Variants in CDH23 observed in about 807,000 individuals in gnomAD.
CDH23 encodes the protein cadherin-23.
CDH23 carries 189 observed loss-of-function variants against 317.1 expected under a neutral mutation model. The observed-to-expected ratio is 0.60, with a 90% CI of 0.53 to 0.67. The LOEUF (loss-of-function observed/expected upper bound fraction) is 0.67. Ranked by LOEUF, CDH23 falls within the 30% of genes least tolerant of loss-of-function variation. The pLI, the probability that CDH23 is intolerant of heterozygous loss-of-function variation, is 0.00. For missense variants in CDH23, 4,401 were observed against 4,592.4 expected (o/e 0.96, Z 1.20); for synonymous variants, 1,839 against 1,876.8 (o/e 0.98, Z 0.52).
At chr10:71,411,631 C>G (rs72642219) in intron 1 of CDH23, among the ~76,000 whole-genome samples, 4,070 of 152,150 alleles carry the variant, frequency 0.027, 126 homozygotes, top group East Asian at 0.078. Context: ...GGAGTTCTAG[C>G]ATAATATTGA....
chr10:71,704,901 T>C lies in CDH23; in HGVS notation c.2734-10T>C. ...CTCCCCACCCTCATGCTGCCCCTCCTTGCCCTCAGGTGGTGGCCATCGACC... is the reference window on the plus strand; with the variant it reads ...CTCCCCACCCTCATGCTGCCCCTCCCTGCCCTCAGGTGGTGGCCATCGACC... On this transcript the variant is annotated splice_polypyrimidine_tract_variant and intron_variant, in intron 24 of 69. Transcript: ENST00000224721. 1 of 1,606,326 alleles carries C rather than the reference T, an allele frequency of 6.2e-7. No homozygotes were observed. The highest frequency in any genetic ancestry group is 8.5e-7 in the Non-Finnish European group (1 of 1,174,018).
At chr10:71,740,689 A>G (rs1258536945) in intron 36 of CDH23, 133 bp from the exon 37 acceptor site, 1 of 1,290,920 alleles carries the variant, frequency 7.7e-7, no homozygotes, top group African/African-American at 1.5e-5. Flanking sequence ...TGGCCAGGCC[A>G]CCCAGGGGTT....
At chr10:71,420,720 A>T (rs1322798246) in intron 1 of CDH23, among the ~76,000 whole-genome samples, 1 of 152,076 alleles carries the variant, frequency 6.6e-6, no homozygotes, top group Non-Finnish European at 1.5e-5. Context: ...AGTAGGTATG[A>T]CTATTATCTC....
chr10:71,702,670 C>T lies in CDH23; in HGVS notation c.2709C>T (p.Ile903=). The T allele has an allele frequency of 6.2e-7, 1 of 1,613,856 alleles. No homozygotes were observed. Among genetic ancestry groups the T allele is most frequent in the Non-Finnish European group, 8.5e-7 (1 of 1,179,890 alleles). ...LPFVAEVLEG[I]PAGVSIYQVV... is the part of the protein sequence containing the mutation. ...TTGTGGCCGAGGTGCTTGAAGGCATCCCGGCGGGGGTCTCCATCTACCAAG... is the reference window on the plus strand; with the variant it reads ...TTGTGGCCGAGGTGCTTGAAGGCATTCCGGCGGGGGTCTCCATCTACCAAG... The change falls in exon 24 of 70, where the codon ATC becomes ATT. Residue 903 remains isoleucine (I), a synonymous_variant. Transcript: ENST00000224721.
intron 3 of CDH23, among the ~76,000 whole-genome samples, chr10:71,465,532 G>A (rs1387512130): frequency 6.6e-6 from 1 of 152,252 alleles, no homozygotes; most frequent in Non-Finnish European, 1.5e-5. Context: ...GCCACCGAGT[G>A]GTCTGGATCT....
intron 38 of CDH23, among the ~76,000 whole-genome samples, chr10:71,776,835 C>T (rs771342153): frequency 2.0e-4 from 30 of 152,352 alleles, no homozygotes; most frequent in Admixed American, 5.2e-4. Flanking sequence ...CCAGGGCCTC[C>T]CATTGGCCAC....
intron 11 of CDH23, among the ~76,000 whole-genome samples, chr10:71,638,538 C>A (rs1862383136): frequency 6.6e-6 from 1 of 152,208 alleles, no homozygotes; most frequent in African/African-American, 2.4e-5. Flanking sequence ...AATGAATGAC[C>A]AAGGGAAGCC....
At chr10:71,741,620 G>T (rs758720455) in intron 37 of CDH23, 74 bp from the exon 38 acceptor site, 21 of 1,334,520 alleles carry the variant, frequency 1.6e-5, no homozygotes, top group Non-Finnish European at 2.2e-5. Flanking sequence ...GAGCCTTCGG[G>T]CTACAGGAGC....
intron 38 of CDH23, among the ~76,000 whole-genome samples, chr10:71,745,404 C>T (rs79657570): frequency 0.026 from 3,891 of 152,264 alleles, 91 homozygotes; most frequent in East Asian, 0.097. Context: ...GGTTTAGGCC[C>T]GGGGCTGCTT....
At chr10:71,423,386 C>T (rs901003413) in intron 1 of CDH23, among the ~76,000 whole-genome samples, 1 of 152,202 alleles carries the variant, frequency 6.6e-6, no homozygotes, top group Non-Finnish European at 1.5e-5. Flanking sequence ...AATCAAATGT[C>T]CAGCTGTGCA....
At chr10:71,647,147 T>C (rs1397615891) in intron 14 of CDH23, 1 of 939,898 alleles carries the variant, frequency 1.1e-6, no homozygotes, top group African/African-American at 1.8e-5. Context: ...AAAAAAGGAT[T>C]GGCTCATGTA....
intron 3 of CDH23, among the ~76,000 whole-genome samples, chr10:71,487,576 A>G (rs1852420352): frequency 6.6e-6 from 1 of 152,250 alleles, no homozygotes; most frequent in Non-Finnish European, 1.5e-5. Flanking sequence ...AATAAAATTT[A>G]AATGAATCAA....
rs370585887 is a variant in CDH23 at position 71,759,920 on chromosome 10, T to TAC, written c.4846-17750_4846-17749dup. On this transcript the variant is annotated intron_variant, in intron 38 of 69. Transcript: ENST00000224721. Reference sequence around the variant, plus strand: ...ACACATATATACACACACACATATATACACACACACATATATACACACACA... The same window carrying TAC: ...ACACATATATACACACACACATATATACACACACACACATATATACACACACA... Among the ~76,000 whole-genome samples the TAC allele has an allele frequency of 1.7e-4, 11 of 66,276 alleles. 2 individuals carry two copies. Among genetic ancestry groups the TAC allele is most frequent in the South Asian group, 9.9e-4 (2 of 2,016 alleles). The allele number at this position is 66,276 out of a possible 152,430, so 43.5% of individuals were successfully genotyped here.
intron 38 of CDH23, among the ~76,000 whole-genome samples, chr10:71,771,709 C>A (rs1211167777): frequency 6.6e-6 from 1 of 152,216 alleles, no homozygotes; most frequent in Non-Finnish European, 1.5e-5. Context: ...CTTTAGTATA[C>A]CATGTTGTTT....
intron 38 of CDH23, among the ~76,000 whole-genome samples, chr10:71,762,203 T>C (rs755585719): frequency 6.6e-6 from 1 of 152,202 alleles, no homozygotes; most frequent in Non-Finnish European, 1.5e-5. Context: ...CATCCTAGGC[T>C]GTTGTAGGGG....
intron 25 of CDH23, among the ~76,000 whole-genome samples, chr10:71,705,464 G>A (rs750442540): frequency 5.3e-5 from 8 of 152,230 alleles, no homozygotes; most frequent in Non-Finnish European, 8.8e-5. Flanking sequence ...GTCATGAACA[G>A]GCAGGGAGGG....
intron 9 of CDH23, among the ~76,000 whole-genome samples, chr10:71,597,921 C>T (rs963471111): frequency 3.3e-5 from 5 of 152,086 alleles, no homozygotes; most frequent in South Asian, 2.1e-4. Context: ...CCCTCAAAGG[C>T]GGGGTAGGCC....
chr10:71,440,658 A>G (rs1183127182), intron 2 of CDH23, among the ~76,000 whole-genome samples: 1 of 152,084 alleles, frequency 6.6e-6, no homozygotes, highest in African/African-American at 2.4e-5. Context: ...TCCAGAGCCC[A>G]CGGAGGAGGG....
chr10:71,811,823 G>GA, intron 65 of CDH23, 70 bp downstream of exon 65: 2 of 1,333,552 alleles, frequency 1.5e-6, no homozygotes, highest in Non-Finnish European at 2.0e-6. Flanking sequence ...GCCCACCGGA[G>GA]CCACAAGCCT....
Sources: gnomAD v4.1 joint callset for allele counts (sites outside exome capture counted in the v4.1 genomes callset) on GRCh38, gnomAD v4.1.1 for gene constraint, MANE v1.5 for transcripts, NCBI Gene and HGNC (gene_info 2026-07-23, HGNC 2026-07-21) for gene names.